SPMAP2L: variants seen among roughly 807,000 people sequenced by gnomAD.
The protein encoded by SPMAP2L is sperm microtubule associated protein 2 like, also known as sperm microtubule associated protein 2-like.
At chr4:56,538,933 A>G in the SPMAP2L span, among the ~76,000 whole-genome samples, 729 of 152,340 alleles carry the variant, frequency 4.8e-3, 7 homozygotes, top group African/African-American at 0.017. Context: ...AACACTAAGT[A>G]TATTTATATA....
chr4:56,617,380 A>G, the SPMAP2L span, among the ~76,000 whole-genome samples: 167 of 152,238 alleles, frequency 1.1e-3, no homozygotes, highest in Non-Finnish European at 1.8e-3. Flanking sequence ...TGACTGTATT[A>G]TGTTTTTTCC....
the SPMAP2L span, among the ~76,000 whole-genome samples, chr4:56,567,330 G>A: frequency 4.6e-5 from 7 of 150,686 alleles, no homozygotes; most frequent in Admixed American, 2.0e-4. Flanking sequence ...ACAGTGGTAC[G>A]ATGTTGGCTC....
At chr4:56,609,185 G>A in the SPMAP2L span, among the ~76,000 whole-genome samples, 1 of 151,720 alleles carries the variant, frequency 6.6e-6, no homozygotes, top group East Asian at 1.9e-4. Context: ...TGGGATTACA[G>A]GTACCCACCA....
At chr4:56,595,732 C>T in the SPMAP2L span, 3 of 935,986 alleles carry the variant, frequency 3.2e-6, no homozygotes, top group Middle Eastern at 3.2e-4. Context: ...TCCTCTCTCC[C>T]TAAGTTTAAA....
At chr4:56,593,019 A>C in the SPMAP2L span, 1 of 1,598,166 alleles carries the variant, frequency 6.3e-7, no homozygotes, top group African/African-American at 1.3e-5. Flanking sequence ...GCAACTCTGC[A>C]TGCCATTTCA....
chr4:56,563,087 A>AG, the SPMAP2L span, among the ~76,000 whole-genome samples: 1 of 109,644 alleles, frequency 9.1e-6, no homozygotes, highest in African/African-American at 3.4e-5. Context: ...AAGGTTGTTA[A>AG]GGCTTTTTTT....
the SPMAP2L span, among the ~76,000 whole-genome samples, chr4:56,586,137 C>T: frequency 6.6e-6 from 1 of 152,126 alleles, no homozygotes; most frequent in Non-Finnish European, 1.5e-5. Context: ...TGGTGGGGGG[C>T]TGGAATCATC....
chr4:56,549,809 T>G, the SPMAP2L span, among the ~76,000 whole-genome samples: 23 of 152,250 alleles, frequency 1.5e-4, no homozygotes, highest in African/African-American at 4.8e-4. Context: ...GTAAGATGTA[T>G]GTAAAACATA....
the SPMAP2L span, among the ~76,000 whole-genome samples, chr4:56,542,804 G>A: frequency 9.2e-5 from 14 of 152,148 alleles, no homozygotes; most frequent in Admixed American, 2.6e-4. Flanking sequence ...GGTGAGGTCA[G>A]CCCTGATCCC....
chr4:56,564,682 T>C, the SPMAP2L span, among the ~76,000 whole-genome samples: 29 of 152,174 alleles, frequency 1.9e-4, no homozygotes, highest in African/African-American at 7.0e-4. Context: ...CTCTGATCTT[T>C]ATTATTTCCT....
chr4:56,573,444 T>C, the SPMAP2L span, among the ~76,000 whole-genome samples: 1 of 152,152 alleles, frequency 6.6e-6, no homozygotes, highest in East Asian at 1.9e-4. Context: ...TTCTTTTTTT[T>C]CTATCTCTCA....
At chr4:56,587,491 C>T in the SPMAP2L span, among the ~76,000 whole-genome samples, 1 of 148,604 alleles carries the variant, frequency 6.7e-6, no homozygotes, top group East Asian at 2.1e-4. Flanking sequence ...CCCCCAAGTC[C>T]TCAAAGTCCA....
the SPMAP2L span, among the ~76,000 whole-genome samples, chr4:56,549,849 A>C: frequency 6.6e-6 from 1 of 152,234 alleles, no homozygotes; most frequent in Non-Finnish European, 1.5e-5. Context: ...CTTGGGTCTC[A>C]TCCCCAAGAT....
At chr4:56,600,764 A>G in the SPMAP2L span, among the ~76,000 whole-genome samples, 1 of 152,214 alleles carries the variant, frequency 6.6e-6, no homozygotes, top group Non-Finnish European at 1.5e-5. Context: ...AGTAACTGTC[A>G]TGGAAGGCTG....
the SPMAP2L span, chr4:56,594,570 A>G: frequency 7.5e-6 from 12 of 1,603,780 alleles, no homozygotes; most frequent in Non-Finnish European, 9.4e-6. Flanking sequence ...CAGAAAGGAG[A>G]GGGGCACAGA....
At chr4:56,532,413 A>G in the SPMAP2L span, among the ~76,000 whole-genome samples, 1 of 150,848 alleles carries the variant, frequency 6.6e-6, no homozygotes, top group South Asian at 2.1e-4. Flanking sequence ...TATGCTTTAG[A>G]TACCACTCTC....
chr4:56,531,028 C>A, the SPMAP2L span: 2 of 1,535,342 alleles, frequency 1.3e-6, no homozygotes, highest in Non-Finnish European at 1.7e-6. Flanking sequence ...GGCCCGTGAA[C>A]CCCGCCAGCT....
At chr4:56,595,993 A>G in the SPMAP2L span, among the ~76,000 whole-genome samples, 355 of 152,258 alleles carry the variant, frequency 2.3e-3, 1 homozygote, top group Middle Eastern at 6.8e-3. Context: ...AAGTTTTAGG[A>G]ACTTTAACTT....
At chr4:56,591,030 G>T in the SPMAP2L span, among the ~76,000 whole-genome samples, 1 of 152,126 alleles carries the variant, frequency 6.6e-6, no homozygotes, top group Admixed American at 6.6e-5. Context: ...GATACCCGAG[G>T]TGATGAATAA....
Sources: gnomAD v4.1 joint callset for allele counts (sites outside exome capture counted in the v4.1 genomes callset) on GRCh38, gnomAD v4.1.1 for gene constraint, MANE v1.5 for transcripts, NCBI Gene and HGNC (gene_info 2026-07-23, HGNC 2026-07-21) for gene names.